Variants in PDE1A observed in about 807,000 individuals in gnomAD.
PDE1A encodes the protein phosphodiesterase 1A, also known as dual specificity calcium/calmodulin-dependent 3',5'-cyclic nucleotide phosphodiesterase 1A.
PDE1A carries 35 observed loss-of-function variants against 61.7 expected under a neutral mutation model. The observed-to-expected ratio is 0.57, with a 90% CI of 0.43 to 0.75. The LOEUF (loss-of-function observed/expected upper bound fraction) is 0.75. Among genes scored for constraint, PDE1A ranks in the 30% least tolerant of loss-of-function variants. PDE1A has a pLI of 0.00. For synonymous variants in PDE1A, 232 were observed against 213.2 expected (o/e 1.09, Z -0.77); for missense variants, 597 against 630.6 (o/e 0.95, Z 0.57).
intron 2 of PDE1A, among the ~76,000 whole-genome samples, chr2:182,469,812 G>T (rs985861488): frequency 3.3e-5 from 5 of 151,786 alleles, no homozygotes; most frequent in Non-Finnish European, 7.4e-5. Context: ...TCATTGAAAG[G>T]TTACTAATTG....
chr2:182,661,708 G>T, the PDE1A span, among the ~76,000 whole-genome samples: 29 of 152,216 alleles, frequency 1.9e-4, no homozygotes, highest in African/African-American at 7.0e-4. Context: ...ACAGTTAATT[G>T]GATGTAATGG....
chr2:182,675,312 AT>A, the PDE1A span, among the ~76,000 whole-genome samples: 2 of 152,140 alleles, frequency 1.3e-5, no homozygotes, highest in African/African-American at 2.4e-5. Context: ...GCTGCATAGT[AT>A]TCTATGGTGT....
chr2:182,237,328 C>T (rs1028474169), intron 3 of PDE1A, among the ~76,000 whole-genome samples: 6 of 152,100 alleles, frequency 3.9e-5, no homozygotes, highest in African/African-American at 9.7e-5. Flanking sequence ...CCTGTCTCTA[C>T]TAAAAATACA....
At chr2:182,680,143 G>T in the PDE1A span, among the ~76,000 whole-genome samples, 2 of 151,682 alleles carry the variant, frequency 1.3e-5, no homozygotes, top group African/African-American at 4.8e-5. Flanking sequence ...TACAAATTAC[G>T]CCATTATGTA....
the PDE1A span, among the ~76,000 whole-genome samples, chr2:182,685,332 T>A: frequency 3.9e-5 from 6 of 152,144 alleles, no homozygotes; most frequent in Non-Finnish European, 8.8e-5. Context: ...CACTGAAGTT[T>A]TTAGTAAATC....
At chr2:182,376,246 T>C (rs1046400026) in intron 1 of PDE1A, among the ~76,000 whole-genome samples, 2 of 152,224 alleles carry the variant, frequency 1.3e-5, no homozygotes, top group Non-Finnish European at 2.9e-5. Context: ...TTCTGAACTT[T>C]CATACTCTTC....
In PDE1A at chr2:182,244,286, T is replaced by A. The variant is rs566106325; in HGVS notation, c.168-3994A>T. Among the ~76,000 whole-genome samples the A allele has an allele frequency of 2.0e-5, 3 of 152,224 alleles. No homozygotes were observed. The South Asian group carries it at 6.2e-4, about 32-fold the overall frequency. On this transcript the variant is annotated intron_variant, in intron 2 of 13. Transcript: ENST00000351439. ...AGAGATCTCTTTTATCTAGTTTCCATATCTATCATTTTTCCACTAAACTTT... is the reference window on the plus strand; with the variant it reads ...AGAGATCTCTTTTATCTAGTTTCCAAATCTATCATTTTTCCACTAAACTTT...
chr2:182,170,173 G>A (rs1039321042), intron 13 of PDE1A, among the ~76,000 whole-genome samples: 1 of 151,996 alleles, frequency 6.6e-6, no homozygotes, highest in African/African-American at 2.4e-5. Flanking sequence ...CAAAATAGAT[G>A]AAAAGCCCCG....
At chr2:182,700,731 A>AAAAAAAAAAAAAAAC in the PDE1A span, among the ~76,000 whole-genome samples, 1 of 143,862 alleles carries the variant, frequency 7.0e-6, no homozygotes, top group Non-Finnish European at 1.5e-5. Context: ...CAAAAAAAAA[A>AAAAAAAAAAAAAAAC]AAAAAAAAAC....
At chr2:182,375,673 C>T (rs1700360147) in intron 1 of PDE1A, among the ~76,000 whole-genome samples, 1 of 152,356 alleles carries the variant, frequency 6.6e-6, no homozygotes, top group Middle Eastern at 3.4e-3. Flanking sequence ...CATAGCTCCA[C>T]TATGTGGTAC....
intron 2 of PDE1A, among the ~76,000 whole-genome samples, chr2:182,441,016 A>G (rs2125676692): frequency 6.6e-6 from 1 of 152,212 alleles, no homozygotes; most frequent in Non-Finnish European, 1.5e-5. Flanking sequence ...TTTATAAAGG[A>G]AAGAGGTTTA....
At chr2:182,527,298 C>T (rs1574857800), upstream of PDE1A, among the ~76,000 whole-genome samples, 1 of 62,420 alleles carries the variant, frequency 1.6e-5, no homozygotes, top group South Asian at 6.5e-4. Context: ...GAAACCCTTT[C>T]TCTATAAAAA....
At chr2:182,154,816 T>A (rs779285615) in intron 13 of PDE1A, among the ~76,000 whole-genome samples, 5 of 152,144 alleles carry the variant, frequency 3.3e-5, no homozygotes, top group African/African-American at 7.2e-5. Flanking sequence ...AATTCTTAAA[T>A]TTTCTGGTTT....
At chr2:182,146,567 C>G (rs553933530), downstream of PDE1A, among the ~76,000 whole-genome samples, 110 of 152,252 alleles carry the variant, frequency 7.2e-4, no homozygotes, top group Middle Eastern at 3.4e-3. Flanking sequence ...TCACTGCAAC[C>G]TTTGCTTCCC....
intron 2 of PDE1A, among the ~76,000 whole-genome samples, chr2:182,471,367 C>G (rs891609410): frequency 6.6e-6 from 1 of 151,716 alleles, no homozygotes; most frequent in Admixed American, 6.6e-5. Flanking sequence ...TTCTGAAGAA[C>G]CTTTTATACA....
intron 13 of PDE1A, among the ~76,000 whole-genome samples, chr2:182,185,278 G>A (rs1209891308): frequency 6.6e-6 from 1 of 152,152 alleles, no homozygotes; most frequent in African/African-American, 2.4e-5. Context: ...ATCTGGATAT[G>A]AAAGCTAATT....
chr2:182,507,455 C>G (rs1470775363), intron 2 of PDE1A, among the ~76,000 whole-genome samples: 3 of 152,182 alleles, frequency 2.0e-5, no homozygotes, highest in Admixed American at 6.5e-5. Context: ...CATGCCCATC[C>G]TCCAATAGGT....
At position 182,462,505 on chromosome 2, in the gene PDE1A, G is replaced by C. The variant is rs369099077; in HGVS notation, c.101+59771C>G. ...AGGGACAAGTGACAAGGACAGCCAC[G>C]TTTAGGCTAACCTACTCATTCTGTG... On this transcript the variant is annotated intron_variant, in intron 2 of 14. Transcript: ENST00000410103. Among the ~76,000 whole-genome samples, 14 of 151,974 alleles carry C rather than the reference G, an allele frequency of 9.2e-5. No individual in the cohort carries two copies. In the East Asian group the frequency reaches 2.5e-3, roughly 27 times the overall value.
the PDE1A span, among the ~76,000 whole-genome samples, chr2:182,582,639 AAAATCT>A: frequency 1.3e-5 from 2 of 152,320 alleles, no homozygotes; most frequent in Admixed American, 1.3e-4. Context: ...GCACAAATGC[AAAATCT>A]CAGATGTCTG....
Sources: allele counts gnomAD v4.1 joint callset (sites outside exome capture counted in the v4.1 genomes callset), GRCh38; gene constraint gnomAD v4.1.1; transcripts MANE v1.5; gene names NCBI Gene and HGNC (gene_info 2026-07-23, HGNC 2026-07-21).